Variants in AFF2 observed in about 807,000 individuals in gnomAD.
AFF2 encodes ALF transcription elongation factor 2.
Under a neutral mutation model 76.9 loss-of-function variants are expected in AFF2, and 14 were observed. That is an observed-to-expected ratio of 0.18 (90% confidence interval 0.12 to 0.28). AFF2 has a LOEUF of 0.28. Among genes scored for constraint, AFF2 ranks in the 10% least tolerant of loss-of-function variants. The pLI, the probability that AFF2 is intolerant of heterozygous loss-of-function variation, is 1.00. For synonymous variants in AFF2, 398 were observed against 366.7 expected, an observed-to-expected ratio of 1.09 and a Z score of -0.98; for missense variants, 868 against 1,001.1, an observed-to-expected ratio of 0.87 and a Z score of 1.79.
Position 148,837,732 on chromosome X carries a change from A to G in AFF2, c.1172A>G (p.Gln391Arg). ...SEQSTFSIPG[Q>R]ESQHLTPGFT... ...CAGAGCACCTTTTCCATCCCAGGAC[A>G]GGTCAGTTCTCTTCCTTCCTGCATT... Residue 391 changes from glutamine to arginine, a missense_variant and splice_region_variant, in exon 5 of 21, where the codon CAG (glutamine) becomes CGG (arginine). Around this residue, in one of 6 missense-constraint regions of AFF2, gnomAD observed 532 missense variants for 564.2 expected, o/e 0.94. Transcript: ENST00000370460. The G allele has an allele frequency of 8.6e-7, 1 of 1,157,849 alleles. No individual in the cohort carries two copies. The highest frequency in any genetic ancestry group is 2.2e-5 in the Admixed American group (1 of 44,825).
Position 148,592,044 on chromosome X carries a change from C to T in AFF2, c.48-59955C>T, listed in dbSNP as rs1557246735. 3.6e-5 allele frequency among the ~76,000 whole-genome samples: 4 copies of T among 111,753 alleles called. No homozygotes were observed. In the Admixed American group the frequency reaches 3.8e-4, roughly 11 times the overall value. On this transcript the variant is annotated intron_variant, in intron 1 of 20. Coordinates refer to ENST00000370460, the MANE Select transcript of AFF2 (RefSeq NM_002025.4). ...TTAGCCAAATGACTGATGTTTGCCT[C>T]GTTATGTCAGATCTGAGGGCACTCC...
At chrX:148,544,720 C>T (rs1430040461) in intron 1 of AFF2, among the ~76,000 whole-genome samples, 1 of 112,152 alleles carries the variant, frequency 8.9e-6, no homozygotes, top group Non-Finnish European at 1.9e-5. Flanking sequence ...ATGAGAAAGA[C>T]ATGGGCCTCT....
chrX:148,525,869 C>T (rs989464630), intron 1 of AFF2, among the ~76,000 whole-genome samples: 12 of 111,539 alleles, frequency 1.1e-4, no homozygotes, highest in African/African-American at 2.9e-4. Flanking sequence ...AGATAACATA[C>T]GAGAAATCTG....
intron 1 of AFF2, among the ~76,000 whole-genome samples, chrX:148,530,172 G>C (rs1557235686): frequency 3.6e-5 from 4 of 111,590 alleles, no homozygotes; most frequent in Non-Finnish European, 3.8e-5. Flanking sequence ...CCAGGATGGT[G>C]TCTGACTCAT....
chrX:148,870,346 A>C (rs2070958787), intron 7 of AFF2, among the ~76,000 whole-genome samples: 1 of 112,571 alleles, frequency 8.9e-6, no homozygotes, highest in Admixed American at 9.4e-5. Flanking sequence ...AAGGTAATGA[A>C]AAAAACAAAC....
intron 19 of AFF2, among the ~76,000 whole-genome samples, chrX:148,982,184 G>A (rs929923378): frequency 8.9e-6 from 1 of 111,951 alleles, no homozygotes; most frequent in African/African-American, 3.3e-5. Flanking sequence ...ACCTAAGCTT[G>A]GGAAGTTGCA....
intron 1 of AFF2, among the ~76,000 whole-genome samples, chrX:148,607,371 G>A (rs1414797712): frequency 9.0e-6 from 1 of 110,756 alleles, no homozygotes; most frequent in Non-Finnish European, 1.9e-5. Flanking sequence ...TAATCATAGG[G>A]GTGAGTTTTC....
intron 1 of AFF2, among the ~76,000 whole-genome samples, chrX:148,536,549 T>C (rs1455600776): frequency 1.8e-5 from 2 of 112,718 alleles, no homozygotes; most frequent in Admixed American, 9.4e-5. Flanking sequence ...AAGAAACCTA[T>C]GCAGATATCT....
At chrX:148,574,924 AATAC>A (rs1304526724) in intron 1 of AFF2, among the ~76,000 whole-genome samples, 3 of 100,645 alleles carry the variant, frequency 3.0e-5, no homozygotes, top group South Asian at 4.9e-4. Context: ...CAGATTCATA[AATAC>A]ATACATAGTG....
chrX:148,978,910 A>T (rs139430199), intron 18 of AFF2, among the ~76,000 whole-genome samples: 1,414 of 112,316 alleles, frequency 0.013, 16 homozygotes, highest in African/African-American at 0.043. Context: ...CTTGGAGTGC[A>T]GTAGTTGTAA....
intron 3 of AFF2, among the ~76,000 whole-genome samples, chrX:148,665,533 G>T (rs2054349236): frequency 1.8e-5 from 2 of 111,582 alleles, no homozygotes; most frequent in Admixed American, 9.5e-5. Flanking sequence ...GAACCCAAGG[G>T]TAATGTGAAA....
intron 3 of AFF2, among the ~76,000 whole-genome samples, chrX:148,702,429 G>C (rs1359541522): frequency 9.0e-6 from 1 of 111,575 alleles, no homozygotes; most frequent in Non-Finnish European, 1.9e-5. Context: ...GCCATTTCCA[G>C]GTAAGTTTTT....
chrX:148,800,719 T>C (rs191835834), intron 3 of AFF2, among the ~76,000 whole-genome samples: 54 of 111,796 alleles, frequency 4.8e-4, no homozygotes, highest in African/African-American at 1.6e-3. Context: ...ACTTTTTTTT[T>C]CCCATGAGGA....
chrX:148,803,143 T>C (rs1372589), intron 3 of AFF2, among the ~76,000 whole-genome samples: 6,942 of 110,838 alleles, frequency 0.063, 461 homozygotes, highest in African/African-American at 0.2. Context: ...TACCTAGGAA[T>C]TTCAAAAGGA....
At chrX:148,520,941 T>C in intron 1 of AFF2, among the ~76,000 whole-genome samples, 1 of 112,561 alleles carries the variant, frequency 8.9e-6, no homozygotes, top group Non-Finnish European at 1.9e-5. Context: ...TATTCTATAA[T>C]GACCCAGACA....
intron 1 of AFF2, among the ~76,000 whole-genome samples, chrX:148,644,394 A>G (rs2124447736): frequency 9.0e-6 from 1 of 111,569 alleles, no homozygotes; most frequent in South Asian, 3.8e-4. Flanking sequence ...GGTGTTGAGC[A>G]TGTTAACCTC....
chrX:148,678,390 C>T (rs960395982), intron 3 of AFF2, among the ~76,000 whole-genome samples: 23 of 112,238 alleles, frequency 2.0e-4, no homozygotes, highest in African/African-American at 6.1e-4. Flanking sequence ...TCTGAGAAAA[C>T]GGAATCATTA....
At chrX:148,649,948 C>T (rs1226018899) in intron 1 of AFF2, among the ~76,000 whole-genome samples, 1 of 111,304 alleles carries the variant, frequency 9.0e-6, no homozygotes, top group African/African-American at 3.3e-5. Context: ...ACATCCTGCT[C>T]GCATTACTCA....
chrX:148,614,742 C>CT (rs1317159593), intron 1 of AFF2, among the ~76,000 whole-genome samples: 588 of 26,437 alleles, frequency 0.022, 2 homozygotes, highest in African/African-American at 0.028. Context: ...TCCTTCTTTT[C>CT]TTTCTTTCTT....
Sources: gnomAD v4.1 joint callset for allele counts (sites outside exome capture counted in the v4.1 genomes callset) on GRCh38, gnomAD v4.1.1 for gene constraint, gnomAD v4.1.1 regional missense constraint, MANE v1.5 for transcripts, NCBI Gene and HGNC (gene_info 2026-07-23, HGNC 2026-07-21) for gene names.